Variants in MAN1C1 observed in about 807,000 individuals in gnomAD.
MAN1C1 encodes the protein mannosyl-oligosaccharide 1,2-alpha-mannosidase IC.
MAN1C1 carries 49 observed loss-of-function variants against 71.5 expected under a neutral mutation model. The ratio of observed to expected loss-of-function variants is 0.69; its 90% confidence interval spans 0.54 to 0.87. MAN1C1 has a LOEUF of 0.87. Among genes scored for constraint, MAN1C1 ranks in the 40% least tolerant of loss-of-function variants. The pLI, the probability that MAN1C1 is intolerant of heterozygous loss-of-function variation, is 0.00. For missense variants in MAN1C1, 743 were observed against 835.0 expected (o/e 0.89, Z 1.36); for synonymous variants, 352 against 343.7 (o/e 1.02, Z -0.27).
At chr1:25,640,505 G>C (rs1277373775) in intron 1 of MAN1C1, among the ~76,000 whole-genome samples, 1 of 152,110 alleles carries the variant, frequency 6.6e-6, no homozygotes, top group African/African-American at 2.4e-5. Context: ...CAGAGCTCTG[G>C]AGTAGTCTTG....
At chr1:25,709,472 G>C (rs2046573395) in intron 2 of MAN1C1, 1 of 152,278 alleles carries the variant, frequency 6.6e-6, no homozygotes, top group African/African-American at 2.4e-5. Flanking sequence ...CAGGCACGCA[G>C]ATGTTTCTTG....
chr1:25,756,349 C>A (rs1022892753), intron 5 of MAN1C1, among the ~76,000 whole-genome samples: 12 of 152,332 alleles, frequency 7.9e-5, no homozygotes, highest in African/African-American at 2.9e-4. Context: ...CAGCCACCTG[C>A]CTGCCTCTGC....
At position 25,782,554 on chromosome 1, in the gene MAN1C1, C is replaced by A; in HGVS notation, c.1651-31C>A. The A allele has an allele frequency of 6.7e-7, 1 of 1,497,246 alleles. No individual in the cohort carries two copies. The highest frequency in any genetic ancestry group is 9.3e-7 in the Non-Finnish European group (1 of 1,073,526). 92.7% of individuals were successfully genotyped at this position (1,497,246 alleles called of 1,614,324 possible). ...GGGCCTTTCCTGTCCCGTGTTAAGG[C>A]TGTTTTCCTCCTCCTCTTCCCCTTC... On this transcript the variant is annotated intron_variant, in intron 10 of 11. Transcript: ENST00000374332. This position sits in a 1 kb window ranked among gnomAD's most constrained non-coding sequence, Gnocchi z 4.4.
At chr1:25,781,354 T>G in intron 10 of MAN1C1, 2 of 461,238 alleles carry the variant, frequency 4.3e-6, no homozygotes. Flanking sequence ...CCCATATCCT[T>G]GGGGCCTGGG....
chr1:25,637,633 T>G (rs1161607046), intron 1 of MAN1C1, among the ~76,000 whole-genome samples: 1 of 152,070 alleles, frequency 6.6e-6, no homozygotes, highest in Non-Finnish European at 1.5e-5. Context: ...AAATCTTTTA[T>G]GGAGAAAAAA....
intron 2 of MAN1C1, among the ~76,000 whole-genome samples, chr1:25,692,199 C>G (rs2046318175): frequency 6.6e-6 from 1 of 152,162 alleles, no homozygotes; most frequent in African/African-American, 2.4e-5. Context: ...TCAGCTAGAT[C>G]GTTCAAGGCC....
rs1223653153 is a variant in MAN1C1 at position 25,782,833 on chromosome 1, C to T, written c.1766+133C>T. 6.1e-6 allele frequency: 4 copies of T among 656,422 alleles called. No homozygotes were observed. The highest frequency in any genetic ancestry group is 1.1e-5 in the Non-Finnish European group (4 of 375,670). 40.7% of individuals were successfully genotyped at this position (656,422 alleles called of 1,614,324 possible). ...CAAAAGGGGTGAAGGGCTTGGGATC[C>T]AGAGGGCTGCACCCCAGGTGTGAGC... On this transcript the variant is annotated intron_variant, in intron 11 of 11. Coordinates refer to ENST00000374332, the MANE Select transcript of MAN1C1 (RefSeq NM_020379.4). This position sits in a 1 kb window ranked among gnomAD's most constrained non-coding sequence, Gnocchi z 4.4.
At position 25,725,299 on chromosome 1, in the gene MAN1C1, A is replaced by G. The variant is rs575468530; in HGVS notation, c.638-21369A>G. On this transcript the variant is annotated intron_variant, in intron 2 of 11. Transcript: ENST00000374332. This position sits in a 1 kb window ranked among gnomAD's most constrained non-coding sequence, Gnocchi z 4.8. ...GAGGCTTTTCTAGGCCAGCTCTGGG[A>G]TGGATGCTAGAGATGCAAAGGTGCA... 2.6e-5 allele frequency among the ~76,000 whole-genome samples: 4 copies of G among 152,342 alleles called. No individual in the cohort carries two copies. The South Asian group carries it at 8.3e-4, about 32-fold the overall frequency.
intron 4 of MAN1C1, among the ~76,000 whole-genome samples, chr1:25,752,740 G>A (rs1484260175): frequency 6.6e-6 from 1 of 152,250 alleles, no homozygotes; most frequent in Non-Finnish European, 1.5e-5. Context: ...CAGGGGCCGT[G>A]AGGCCTGGGA....
intron 2 of MAN1C1, among the ~76,000 whole-genome samples, chr1:25,709,253 T>C (rs1400022621): frequency 6.6e-6 from 1 of 152,128 alleles, no homozygotes; most frequent in Non-Finnish European, 1.5e-5. Flanking sequence ...AGAGACCTGA[T>C]GCAGAACACG....
chr1:25,772,822 C>G (rs1030002589), intron 8 of MAN1C1, among the ~76,000 whole-genome samples: 27 of 152,332 alleles, frequency 1.8e-4, no homozygotes, highest in African/African-American at 6.5e-4. Context: ...CCTCTCTGCT[C>G]TGTGCTCTCT....
At chr1:25,648,766 C>G (rs962029847) in intron 1 of MAN1C1, among the ~76,000 whole-genome samples, 1 of 152,216 alleles carries the variant, frequency 6.6e-6, no homozygotes, top group Admixed American at 6.5e-5. Context: ...AAATCTATTT[C>G]TCTTACACAT....
rs540161342 is a variant in MAN1C1, at chr1:25,745,565, G to A, written c.638-1103G>A. On this transcript the variant is annotated intron_variant, in intron 2 of 11. Transcript: ENST00000374332. ...AAAGAAAGAAAAAGATCCCGTGGAT[G>A]TCTCCCCAGGTAAATAGGCACAGGT... 3.3e-5 allele frequency among the ~76,000 whole-genome samples: 5 copies of A among 152,314 alleles called. No individual in the cohort carries two copies. In the East Asian group the frequency reaches 9.6e-4, roughly 29 times the overall value.
chr1:25,746,850 C>T lies in MAN1C1; in HGVS notation c.753+67C>T, dbSNP rs1358733438. On this transcript the variant is annotated intron_variant, in intron 3 of 11. Coordinates refer to ENST00000374332, the MANE Select transcript of MAN1C1 (RefSeq NM_020379.4). The surrounding 1 kb of genome is among the most constrained non-coding windows in gnomAD (Gnocchi z 4.0). ...GAAGAGGCCCAACAGCCAGCTTCAC[C>T]CTGTCATCTCTGAGACCCAGAGATG... The T allele has an allele frequency of 9.3e-7, 1 of 1,076,236 alleles. No homozygotes were observed. 66.7% of individuals were successfully genotyped at this position (1,076,236 alleles called of 1,614,324 possible).
intron 2 of MAN1C1, among the ~76,000 whole-genome samples, chr1:25,703,578 G>A (rs1220315538): frequency 2.0e-5 from 3 of 152,210 alleles, no homozygotes; most frequent in Non-Finnish European, 4.4e-5. Context: ...CTACTCAGGA[G>A]GCTGAGGCAA....
At chr1:25,706,529 GA>G (rs979894487) in intron 2 of MAN1C1, among the ~76,000 whole-genome samples, 1 of 152,150 alleles carries the variant, frequency 6.6e-6, no homozygotes, top group Admixed American at 6.5e-5. Context: ...TGGCGGGGGG[GA>G]ATCCTTGCAG....
chr1:25,718,398 G>A (rs2046712836), intron 2 of MAN1C1, among the ~76,000 whole-genome samples: 1 of 151,810 alleles, frequency 6.6e-6, no homozygotes, highest in Non-Finnish European at 1.5e-5. Context: ...GCTGTCCCTG[G>A]GATATTTTTA....
chr1:25,760,644 A>G (rs757047725), intron 6 of MAN1C1: 14 of 152,190 alleles, frequency 9.2e-5, no homozygotes, highest in Non-Finnish European at 1.5e-4. Context: ...ATAAATGGAT[A>G]TGAAATCTGA....
chr1:25,689,132 T>A (rs1291453114), intron 2 of MAN1C1, among the ~76,000 whole-genome samples: 1 of 152,160 alleles, frequency 6.6e-6, no homozygotes, highest in Non-Finnish European at 1.5e-5. Flanking sequence ...CAGTGCCTGG[T>A]GCTGACTGCT....
Sources: allele counts gnomAD v4.1 joint callset (sites outside exome capture counted in the v4.1 genomes callset), GRCh38; gene constraint gnomAD v4.1.1; non-coding constraint Gnocchi (gnomAD v3.1); transcripts MANE v1.5; gene names NCBI Gene and HGNC (gene_info 2026-07-23, HGNC 2026-07-21).